SMC3: variants seen among roughly 807,000 people sequenced by gnomAD.
SMC3 encodes the protein structural maintenance of chromosomes 3, also known as structural maintenance of chromosomes protein 3.
In SMC3, 20 loss-of-function variants were observed where a neutral mutation model predicts 171.8. The ratio of observed to expected loss-of-function variants is 0.12; its 90% CI spans 0.08 to 0.17. The LOEUF is 0.17. Ranked by LOEUF, SMC3 falls within the 10% of genes least tolerant of loss-of-function variation. The pLI is 1.00. For synonymous variants in SMC3, 464 were observed against 451.1 expected (o/e 1.03, Z -0.36); for missense variants, 543 against 1,420.4 (o/e 0.38, Z 9.93).
intron 10 of SMC3, 152 bp from the exon 11 acceptor site, chr10:110,583,232 A>ACTAACC (rs1861058980): frequency 1.2e-5 from 8 of 683,078 alleles, no homozygotes; most frequent in Non-Finnish European, 2.0e-5. Flanking sequence ...TTGTACCAGA[A>ACTAACC]TTATGGAATG....
chr10:110,591,649 G>A (rs1210752686), intron 17 of SMC3, among the ~76,000 whole-genome samples: 1 of 152,144 alleles, frequency 6.6e-6, no homozygotes, highest in East Asian at 1.9e-4. Flanking sequence ...ACTTTAGGTG[G>A]ATTAAAAATA....
At chr10:110,585,097 C>T (rs189895968) in intron 13 of SMC3, among the ~76,000 whole-genome samples, 23 of 152,090 alleles carry the variant, frequency 1.5e-4, no homozygotes, top group African/African-American at 5.5e-4. Flanking sequence ...ACTGCAACCT[C>T]AGCCTCCTGA....
rs534740585 is a variant in SMC3, at chr10:110,567,738, G to A, written c.-79G>A. ...AGCGGCGCTTTGGGGGAGGGGTCGC[G>A]TAGGCGCCTCACCTGACCCTGCGGC... is the stretch of plus-strand genomic sequence containing the variant. On this transcript the variant is annotated 5_prime_UTR_variant, in exon 1 of 29. Transcript: ENST00000361804. 4.5e-6 allele frequency: 7 copies of A among 1,563,750 alleles called. No homozygotes were observed. Among genetic ancestry groups the A allele is most frequent in the Admixed American group, 3.4e-5 (2 of 58,956 alleles).
intron 22 of SMC3, 42 bp from the exon 23 acceptor site, chr10:110,600,980 C>A: frequency 1.4e-6 from 2 of 1,422,108 alleles, no homozygotes; most frequent in South Asian, 1.2e-5. Flanking sequence ...TGTTGGCAGT[C>A]ATAACATTTG....
At chr10:110,587,689 G>GA (rs34378467) in intron 13 of SMC3, among the ~76,000 whole-genome samples, 4,485 of 94,226 alleles carry the variant, frequency 0.048, 222 homozygotes, top group African/African-American at 0.13. Flanking sequence ...CCGTCTCAAA[G>GA]AAAAAAAAAA....
Position 110,600,557 on chromosome 10 carries a change from GTTTTTTT to G in SMC3, c.2535+22_2535+28del, listed in dbSNP as rs397847637. 4 of 977,234 alleles carry G rather than the reference GTTTTTTT, an allele frequency of 4.1e-6. No individual in the cohort carries two copies. The highest frequency in any genetic ancestry group is 2.2e-4 in the Middle Eastern group (1 of 4,596). 60.5% of individuals were successfully genotyped at this position (977,234 alleles called of 1,614,324 possible). ...GACCAAGTAGAACAGGTGTGTATGT[GTTTTTTT>G]TTTTTTTTTTAAGGGCTCCTTGGTG... On this transcript the variant is annotated intron_variant, in intron 22 of 28. Coordinates refer to ENST00000361804, the MANE Select transcript of SMC3 (RefSeq NM_005445.4).
At chr10:110,596,376 A>G (rs757977325) in intron 18 of SMC3, 22 bp from the exon 19 acceptor site, 7 of 1,609,974 alleles carry the variant, frequency 4.3e-6, no homozygotes, top group African/African-American at 2.7e-5. Context: ...GTACAGACCT[A>G]TTACATATGT....
At chr10:110,602,217 A>T in intron 25 of SMC3, 39 bp downstream of exon 25, 1 of 1,531,734 alleles carries the variant, frequency 6.5e-7, no homozygotes, top group Non-Finnish European at 9.0e-7. Flanking sequence ...CACACAGAGG[A>T]CAAAAGCTTC....
chr10:110,568,457 G>C, intron 1 of SMC3: 1 of 176,262 alleles, frequency 5.7e-6, no homozygotes, highest in South Asian at 1.2e-4. Context: ...ATGAGCCCAG[G>C]CACACGGCCT....
chr10:110,587,771 G>A (rs1187908611), intron 13 of SMC3, among the ~76,000 whole-genome samples: 3 of 151,856 alleles, frequency 2.0e-5, no homozygotes, highest in Non-Finnish European at 4.4e-5. Flanking sequence ...GACTGTAAAA[G>A]TTGAAACATT....
At chr10:110,582,182 C>T (rs1861041042) in intron 9 of SMC3, 84 bp downstream of exon 9, 3 of 1,193,196 alleles carry the variant, frequency 2.5e-6, no homozygotes, top group South Asian at 1.3e-5. Flanking sequence ...TTACACTTTT[C>T]AGTGATTTTA....
chr10:110,575,104 T>C (rs925436043), intron 3 of SMC3, among the ~76,000 whole-genome samples: 1 of 152,162 alleles, frequency 6.6e-6, no homozygotes, highest in Non-Finnish European at 1.5e-5. Context: ...CTTTATTTCC[T>C]TACCTTAAAT....
At chr10:110,584,856 C>T (rs545837818) in intron 13 of SMC3, among the ~76,000 whole-genome samples, 1 of 152,276 alleles carries the variant, frequency 6.6e-6, no homozygotes, top group East Asian at 1.9e-4. Flanking sequence ...AAATCTTGGG[C>T]TTAAGCAATC....
At chr10:110,582,177 C>A in intron 9 of SMC3, 79 bp downstream of exon 9, 1 of 1,209,440 alleles carries the variant, frequency 8.3e-7, no homozygotes, top group Non-Finnish European at 1.2e-6. Flanking sequence ...CATAATTACA[C>A]TTTTCAGTGA....
At chr10:110,589,253 CTG>C (rs1861171911) in intron 13 of SMC3, among the ~76,000 whole-genome samples, 1 of 151,996 alleles carries the variant, frequency 6.6e-6, no homozygotes, top group East Asian at 1.9e-4. Context: ...AAAAAACAAA[CTG>C]AAATTGGATT....
intron 13 of SMC3, among the ~76,000 whole-genome samples, chr10:110,588,874 G>C (rs1861164243): frequency 1.3e-5 from 2 of 152,044 alleles, no homozygotes; most frequent in South Asian, 4.1e-4. Flanking sequence ...AATAGTTTTT[G>C]TGTTCTGTTG....
chr10:110,590,507 T>C lies in SMC3; in HGVS notation c.1605T>C (p.Ile535=), dbSNP rs1169606171. The C allele has an allele frequency of 6.2e-7, 1 of 1,614,018 alleles. No homozygotes were observed. The change falls in exon 16 of 29, where the codon ATT becomes ATC. Residue 535 remains isoleucine (I), a synonymous_variant. Transcript: ENST00000361804. ...ATGTTCAAAATGGCTATCATGGTAT[T>C]GTAATGAATAACTTTGAATGTGAAC... The part of the protein sequence containing the change: ...NQHVQNGYHG[I]VMNNFECEPA...
In SMC3 at chr10:110,583,614, CCT is replaced by C. The variant is rs541626792; in HGVS notation, c.969+67_969+68del. 1.4e-5 allele frequency: 21 copies of C among 1,537,220 alleles called. No homozygotes were observed. In the East Asian group the frequency reaches 4.8e-4, roughly 35 times the overall value. ...GTGAGTAGCAACTGTAGAAGACAGC[CCT>C]TTCTGTGACTGGTGTGTGTTGGAAT... On this transcript the variant is annotated intron_variant, in intron 11 of 28. Coordinates refer to ENST00000361804, the MANE Select transcript of SMC3 (RefSeq NM_005445.4).
intron 13 of SMC3, among the ~76,000 whole-genome samples, chr10:110,586,760 C>T (rs770579064): frequency 3.8e-4 from 58 of 152,068 alleles, no homozygotes; most frequent in Non-Finnish European, 6.9e-4. Context: ...TGGGTTCAAG[C>T]GATTCTCCTA....
Sources: allele counts gnomAD v4.1 joint callset (sites outside exome capture counted in the v4.1 genomes callset), GRCh38; gene constraint gnomAD v4.1.1; transcripts MANE v1.5; gene names NCBI Gene and HGNC (gene_info 2026-07-23, HGNC 2026-07-21).